The following ATP2B4 variants were observed in gnomAD, a reference collection of about 807,000 sequenced individuals.
The protein encoded by ATP2B4 is plasma membrane calcium-transporting ATPase 4.
In ATP2B4, 39 loss-of-function variants were observed where a neutral mutation model predicts 110.3. The observed-to-expected ratio is 0.35, with a 90% CI of 0.27 to 0.46. The LOEUF is 0.46. Ranked by LOEUF, ATP2B4 falls within the 20% of genes least tolerant of loss-of-function variation. The probability of loss-of-function intolerance (pLI) is 1.00; values close to 1 mark genes in which losing one functional copy is unlikely to be tolerated. For synonymous variants in ATP2B4, 538 were observed against 571.7 expected, an observed-to-expected ratio of 0.94 and a Z score of 0.84; for missense variants, 1,135 against 1,530.9, an observed-to-expected ratio of 0.74 and a Z score of 4.32.
rs111638767 is a variant in ATP2B4 at position 203,720,398 on chromosome 1, A to G, written c.2407-151A>G. 2.4e-3 allele frequency: 1,667 copies of G among 708,852 alleles called. 17 individuals carry two copies. In the African/African-American group the frequency reaches 0.024, roughly 10 times the overall value. The allele number at this position is 708,852 out of a possible 1,614,324, so 43.9% of individuals were successfully genotyped here. On this transcript the variant is annotated intron_variant, in intron 15 of 20. Transcript: ENST00000357681. ...CAGGCCGCAGCCCTCCTTTCTCTAG[A>G]GTGACAGTGACACATTTGCTCTTTG...
intron 1 of ATP2B4, among the ~76,000 whole-genome samples, chr1:203,634,625 C>G (rs1663381250): frequency 6.6e-6 from 1 of 152,200 alleles, no homozygotes; most frequent in African/African-American, 2.4e-5. Context: ...AAAACAACAT[C>G]ATAGACTGGG....
At chr1:203,637,519 C>T (rs915927864) in intron 1 of ATP2B4, among the ~76,000 whole-genome samples, 39 of 151,388 alleles carry the variant, frequency 2.6e-4, no homozygotes, top group African/African-American at 9.0e-4. Flanking sequence ...CAATATTATT[C>T]GACACTGGAA....
Position 203,700,078 on chromosome 1 carries a change from G to A in ATP2B4, c.650-128G>A, listed in dbSNP as rs1241966322. The A allele has an allele frequency of 1.1e-5, 13 of 1,132,302 alleles. No homozygotes were observed. The Admixed American group carries it at 2.6e-4, about 22-fold the overall frequency. The allele number at this position is 1,132,302 out of a possible 1,614,324, so 70.1% of individuals were successfully genotyped here. ...TTGTAAAGAGTCTCCATGTACTCTC[G>A]GCCATTGCTGTCTAGATAGGGCCCA... On this transcript the variant is annotated intron_variant, in intron 4 of 20. Coordinates refer to ENST00000357681, the MANE Select transcript of ATP2B4 (RefSeq NM_001684.5).
At chr1:203,672,324 CTTTTTTTTTTTTT>C (rs57144862) in intron 1 of ATP2B4, among the ~76,000 whole-genome samples, 35,665 of 80,870 alleles carry the variant, frequency 0.44, 6,746 homozygotes, top group Non-Finnish European at 0.5. Flanking sequence ...TGCGGTGGCT[CTTTTTTTTTTTTT>C]TTTTTTTTTT....
chr1:203,732,157 CAAAA>C (rs567953858), intron 20 of ATP2B4, among the ~76,000 whole-genome samples: 5 of 48,072 alleles, frequency 1.0e-4, no homozygotes, highest in Non-Finnish European at 9.1e-5. Flanking sequence ...GCCTGGGTGT[CAAAA>C]AAAAAAAAAA....
At chr1:203,725,904 C>CTTTTCTTTT (rs1553251342) in intron 19 of ATP2B4, among the ~76,000 whole-genome samples, 2 of 93,382 alleles carry the variant, frequency 2.1e-5, no homozygotes, top group Non-Finnish European at 3.9e-5. Flanking sequence ...CTTTTCTTTT[C>CTTTTCTTTT]TTTTTTTTTT....
rs1666061257 is a variant in ATP2B4 at position 203,713,150 on chromosome 1, G to C, written c.2212-15G>C. The C allele has an allele frequency of 5.0e-6, 8 of 1,614,112 alleles. No individual in the cohort carries two copies. The East Asian group carries it at 1.8e-4, about 36-fold the overall frequency. On this transcript the variant is annotated splice_polypyrimidine_tract_variant and intron_variant, in intron 13 of 20. Coordinates refer to ENST00000357681, the MANE Select transcript of ATP2B4 (RefSeq NM_001684.5). The stretch of plus-strand genomic sequence containing the variant: ...TCTGCATTTGACTGATCCAGGTGTG[G>C]TCTGGTGTTGGCAGGTAGAGCAAGA...
Position 203,700,186 on chromosome 1 carries a change from C to T in ATP2B4, c.650-20C>T, listed in dbSNP as rs753643968. ...TCTTACTATCTCCTTCACTGTCCCT[C>T]CTTCCCCTTTGTGCTCTAGGTGATC... On this transcript the variant is annotated intron_variant, in intron 4 of 20. Coordinates refer to ENST00000357681, the MANE Select transcript of ATP2B4 (RefSeq NM_001684.5). 1 of 1,608,466 alleles carries T rather than the reference C, an allele frequency of 6.2e-7. No homozygotes were observed.
Position 203,683,143 on chromosome 1 carries a change from C to A in ATP2B4, c.-63C>A. 1 of 1,545,962 alleles carries A rather than the reference C, an allele frequency of 6.5e-7. No homozygotes were observed. The highest frequency in any genetic ancestry group is 8.8e-7 in the Non-Finnish European group (1 of 1,141,486). On this transcript the variant is annotated 5_prime_UTR_variant, in exon 2 of 21. In the 5' UTR this introduces an upstream ATG that the reference lacks. Coordinates refer to ENST00000357681, the MANE Select transcript of ATP2B4 (RefSeq NM_001684.5). The stretch of plus-strand genomic sequence containing the variant: ...AGTTGAGACAGGGAGGCAGGAGACA[C>A]TGGTCAGTTGAAGGGAAACGCTACA...
chr1:203,643,294 G>A (rs1392684980), intron 1 of ATP2B4, among the ~76,000 whole-genome samples: 1 of 152,238 alleles, frequency 6.6e-6, no homozygotes, highest in African/African-American at 2.4e-5. Flanking sequence ...AGTAGCGGCT[G>A]TAGAAGTCAA....
Position 203,702,062 on chromosome 1 carries a change from C to T in ATP2B4, c.920C>T (p.Pro307Leu). 6.2e-7 allele frequency: 1 copy of T among 1,614,050 alleles called. No individual in the cohort carries two copies. Among genetic ancestry groups the T allele is most frequent in the South Asian group, 1.1e-5 (1 of 91,060 alleles). ...CAAACAGGTAAAAAACAAGGAGTCC[C>T]TGAAAATCGCAACAAAGGTAACCTC... ...KKKKGKKQGV[P>L]ENRNKAKTQD... The change falls in exon 7 of 21, where the codon CCT (proline) becomes CTT (leucine). Residue 307 changes from proline to leucine, a missense_variant. By Grantham distance (98) the Pro-to-Leu change is moderately conservative (BLOSUM62 -3). Coordinates refer to ENST00000357681, the MANE Select transcript of ATP2B4 (RefSeq NM_001684.5).
intron 2 of ATP2B4, among the ~76,000 whole-genome samples, chr1:203,690,493 C>T (rs979768989): frequency 3.9e-5 from 6 of 152,002 alleles, no homozygotes; most frequent in African/African-American, 9.7e-5. Flanking sequence ...AGCACGGTGG[C>T]GTTAGGGGGA....
At chr1:203,672,324 CTTTTTTT>C (rs57144862) in intron 1 of ATP2B4, among the ~76,000 whole-genome samples, 23 of 79,606 alleles carry the variant, frequency 2.9e-4, no homozygotes, top group South Asian at 1.3e-3. Context: ...TGCGGTGGCT[CTTTTTTT>C]TTTTTTTTTT....
intron 20 of ATP2B4, among the ~76,000 whole-genome samples, chr1:203,731,849 CAAAA>C (rs35528335): frequency 9.8e-5 from 5 of 51,066 alleles, no homozygotes; most frequent in Admixed American, 3.2e-4. Flanking sequence ...GACTCTGTCT[CAAAA>C]AAAAAAAAAA....
chr1:203,636,274 G>C (rs1339428325), intron 1 of ATP2B4, among the ~76,000 whole-genome samples: 1 of 152,142 alleles, frequency 6.6e-6, no homozygotes, highest in East Asian at 1.9e-4. Flanking sequence ...CACTCCCTTG[G>C]CAAGGGCAGC....
At chr1:203,703,164 C>CGAGAGAGAGAGAGAGA (rs144760902) in intron 7 of ATP2B4, among the ~76,000 whole-genome samples, 11 of 145,250 alleles carry the variant, frequency 7.6e-5, no homozygotes, top group African/African-American at 2.3e-4. Flanking sequence ...CCCTGACAAT[C>CGAGAGAGAGAGAGAGA]GAGAGAGAGA....
chr1:203,657,310 A>C (rs903652657), intron 1 of ATP2B4: 4 of 740,294 alleles, frequency 5.4e-6, no homozygotes, highest in Non-Finnish European at 9.9e-6. Flanking sequence ...ACCCTCTTCC[A>C]TGCCTTCTTC....
At chr1:203,694,017 T>A (rs999291339) in intron 2 of ATP2B4, among the ~76,000 whole-genome samples, 2 of 152,032 alleles carry the variant, frequency 1.3e-5, no homozygotes, top group Non-Finnish European at 2.9e-5. Flanking sequence ...CTTAATAAGC[T>A]CAAGTAGTCA....
chr1:203,707,275 G>A lies in ATP2B4; in HGVS notation c.1314+52G>A, dbSNP rs755823138. On this transcript the variant is annotated intron_variant, in intron 9 of 20. Transcript: ENST00000357681. ...CCTTTAGGATAGAGATGGGAGAGAA[G>A]GGTACCATGTAACCTTTAGTGAAAA... 8 of 1,526,610 alleles carry A rather than the reference G, an allele frequency of 5.2e-6. No homozygotes were observed. The African/African-American group carries it at 9.6e-5, about 18-fold the overall frequency. The allele number at this position is 1,526,610 out of a possible 1,614,324, so 94.6% of individuals were successfully genotyped here. A position where few individuals can be genotyped will look rare whatever the true frequency, so the allele number is the denominator to read the frequency against.
Sources: allele counts gnomAD v4.1 joint callset (sites outside exome capture counted in the v4.1 genomes callset), GRCh38; gene constraint gnomAD v4.1.1; transcripts MANE v1.5; gene names NCBI Gene and HGNC (gene_info 2026-07-23, HGNC 2026-07-21).